Variants in CAST observed in about 807,000 individuals in gnomAD.
CAST encodes MIR583 host.
In CAST, 76 loss-of-function variants were observed where a neutral mutation model predicts 119.6. The observed-to-expected ratio is 0.64, with a 90% confidence interval of 0.53 to 0.77. CAST has a LOEUF of 0.77. Ranked by LOEUF, CAST falls within the 30% of genes least tolerant of loss-of-function variation. The probability of loss-of-function intolerance (pLI) is 0.00; values close to 1 mark genes in which losing one functional copy is unlikely to be tolerated. For synonymous variants in CAST, 319 were observed against 331.6 expected (o/e 0.96, Z 0.41); for missense variants, 953 against 946.5 (o/e 1.01, Z -0.09).
chr5:96,403,939 TC>T, the CAST span, among the ~76,000 whole-genome samples: 1 of 152,190 alleles, frequency 6.6e-6, no homozygotes, highest in East Asian at 1.9e-4. Flanking sequence ...GTTTAATATT[TC>T]CAAAGGTGTG....
the CAST span, among the ~76,000 whole-genome samples, chr5:96,388,670 G>A: frequency 6.6e-6 from 1 of 152,146 alleles, no homozygotes; most frequent in Non-Finnish European, 1.5e-5. Context: ...CAAGGCAGTT[G>A]GAAGGCATTT....
At chr5:96,131,653 C>G in the CAST span, among the ~76,000 whole-genome samples, 14 of 152,038 alleles carry the variant, frequency 9.2e-5, no homozygotes, top group African/African-American at 2.7e-4. Flanking sequence ...GAAAAAGCAC[C>G]AAGGTATTTA....
chr5:96,615,890 C>T (rs1170449557), intron 1 of CAST, among the ~76,000 whole-genome samples: 2 of 152,124 alleles, frequency 1.3e-5, no homozygotes, highest in African/African-American at 4.8e-5. Context: ...GTCCTACAAT[C>T]GGCCATCTGC....
the CAST span, chr5:96,421,992 TTA>T: frequency 5.1e-6 from 2 of 388,364 alleles, no homozygotes; most frequent in East Asian, 5.1e-5. Context: ...TGTGGCAGCA[TTA>T]AAAAAAAAAA....
At chr5:96,720,828 T>C (rs1758106946) in intron 3 of CAST, among the ~76,000 whole-genome samples, 2 of 152,232 alleles carry the variant, frequency 1.3e-5, no homozygotes, top group South Asian at 4.1e-4. Context: ...GGAAAATATG[T>C]CTACCTAAAG....
At chr5:96,453,682 A>G in the CAST span, among the ~76,000 whole-genome samples, 1 of 152,206 alleles carries the variant, frequency 6.6e-6, no homozygotes, top group African/African-American at 2.4e-5. Context: ...AATTGTTTCC[A>G]AAGCATGCAT....
At chr5:96,341,290 T>C in the CAST span, among the ~76,000 whole-genome samples, 9 of 152,104 alleles carry the variant, frequency 5.9e-5, no homozygotes, top group African/African-American at 2.2e-4. Flanking sequence ...CTAGAAATCT[T>C]GATCACAATC....
chr5:96,059,843 C>T, the CAST span, among the ~76,000 whole-genome samples: 1 of 152,096 alleles, frequency 6.6e-6, no homozygotes, highest in South Asian at 2.1e-4. Flanking sequence ...TAACCCTACT[C>T]AAGAGAGTGC....
chr5:95,987,292 T>TC, the CAST span, among the ~76,000 whole-genome samples: 1 of 152,038 alleles, frequency 6.6e-6, no homozygotes, highest in Admixed American at 6.6e-5. Flanking sequence ...TTTCTTTTTT[T>TC]TCTCTCTCTC....
chr5:96,390,766 C>CA, the CAST span: 1 of 152,494 alleles, frequency 6.6e-6, no homozygotes. Flanking sequence ...GACATTTTCA[C>CA]AAAAATCCAC....
intron 3 of CAST, among the ~76,000 whole-genome samples, chr5:96,721,561 G>A (rs1463136521): frequency 3.9e-5 from 6 of 152,130 alleles, no homozygotes; most frequent in East Asian, 3.9e-4. Flanking sequence ...CATCTTACAG[G>A]CTTCCTTCCC....
chr5:96,135,519 A>G, the CAST span, among the ~76,000 whole-genome samples: 3 of 152,166 alleles, frequency 2.0e-5, no homozygotes, highest in Admixed American at 2.0e-4. Flanking sequence ...TTAGGAGAAT[A>G]ATATGAGATG....
intron 1 of CAST, among the ~76,000 whole-genome samples, chr5:96,632,049 A>T: frequency 8.8e-6 from 1 of 113,496 alleles, no homozygotes; most frequent in Admixed American, 8.0e-5. Flanking sequence ...TTATTATTAT[A>T]GCTATCCTAG....
rs1329465497 is a variant in CAST at position 96,740,834 on chromosome 5, G to A, written c.918+51G>A. The A allele has an allele frequency of 2.4e-6, 3 of 1,237,710 alleles. No individual in the cohort carries two copies. In the Admixed American group the frequency reaches 5.2e-5, roughly 22 times the overall value. 76.7% of individuals were successfully genotyped at this position (1,237,710 alleles called of 1,614,324 possible). A position where few individuals can be genotyped will look rare whatever the true frequency, so the allele number is the denominator to read the frequency against. On this transcript the variant is annotated intron_variant, in intron 13 of 31. Transcript: ENST00000675179. Reference sequence around the variant, plus strand: ...TCTAAATTAATAGTTTTATATTTTTGGCTGGGGGAACAGGGCTATCAATTC... The same window carrying A: ...TCTAAATTAATAGTTTTATATTTTTAGCTGGGGGAACAGGGCTATCAATTC...
chr5:96,619,112 T>C (rs989156598), intron 1 of CAST, among the ~76,000 whole-genome samples: 2 of 152,064 alleles, frequency 1.3e-5, no homozygotes, highest in African/African-American at 4.8e-5. Context: ...TGGAGAACTT[T>C]TATGTCTAGC....
chr5:96,182,060 A>T, the CAST span, among the ~76,000 whole-genome samples: 2 of 152,226 alleles, frequency 1.3e-5, no homozygotes, highest in Non-Finnish European at 2.9e-5. Flanking sequence ...ATGATTTAAA[A>T]ATGTCTTTCA....
chr5:96,459,508 GA>G, the CAST span, among the ~76,000 whole-genome samples: 2 of 152,092 alleles, frequency 1.3e-5, no homozygotes, highest in African/African-American at 4.8e-5. Flanking sequence ...TGCTGACTTA[GA>G]AAAAAGTGGG....
the CAST span, among the ~76,000 whole-genome samples, chr5:96,471,454 G>C: frequency 6.6e-6 from 1 of 152,132 alleles, no homozygotes; most frequent in Admixed American, 6.5e-5. Flanking sequence ...TGCATAACAT[G>C]AATTGAGATG....
the CAST span, among the ~76,000 whole-genome samples, chr5:96,116,581 G>A: frequency 2.5e-4 from 38 of 152,116 alleles, no homozygotes; most frequent in Non-Finnish European, 2.9e-5. Flanking sequence ...ATATGATATT[G>A]TCAGTCTTTT....
Sources: allele counts gnomAD v4.1 joint callset (sites outside exome capture counted in the v4.1 genomes callset), GRCh38; gene constraint gnomAD v4.1.1; transcripts MANE v1.5; gene names NCBI Gene and HGNC (gene_info 2026-07-23, HGNC 2026-07-21).